ASTN2: variants seen among roughly 807,000 people sequenced by gnomAD.
The protein encoded by ASTN2 is astrotactin 2.
Under a neutral mutation model 139.8 loss-of-function variants are expected in ASTN2, and 54 were observed. That is an observed-to-expected ratio of 0.39 (90% CI 0.31 to 0.48). The LOEUF is 0.48. ASTN2 is among the 20% of genes least tolerant of loss of function. The pLI is 0.95. For missense variants in ASTN2, 1,565 were observed against 1,725.1 expected (o/e 0.91, Z 1.64); for synonymous variants, 756 against 719.5 (o/e 1.05, Z -0.81).
chr9:116,505,159 T>A (rs151135879), intron 19 of ASTN2, among the ~76,000 whole-genome samples: 210 of 151,798 alleles, frequency 1.4e-3, no homozygotes, highest in African/African-American at 4.1e-3. Flanking sequence ...GAACCCTACT[T>A]TGCATATGGG....
intron 4 of ASTN2, among the ~76,000 whole-genome samples, chr9:117,113,095 G>A (rs1413978382): frequency 6.6e-6 from 1 of 152,114 alleles, no homozygotes; most frequent in African/African-American, 2.4e-5. Context: ...TACCAGTCTT[G>A]ACAAGGTTTT....
chr9:117,320,678 G>A (rs1225571306), intron 1 of ASTN2, among the ~76,000 whole-genome samples: 1 of 152,060 alleles, frequency 6.6e-6, no homozygotes, highest in Non-Finnish European at 1.5e-5. Flanking sequence ...AGGCACTCTG[G>A]GGAGCATTCA....
rs1847586805 is a variant in ASTN2, at chr9:116,434,402, C to A, written c.3782+6207G>T. On this transcript the variant is annotated intron_variant, in intron 22 of 22. Transcript: ENST00000313400. Reference sequence around the variant, plus strand: ...GTTAACACAATCTTGGAGGAATGTACAGTGACATCCCAGGTTTGTTTGTTT... The same window carrying A: ...GTTAACACAATCTTGGAGGAATGTAAAGTGACATCCCAGGTTTGTTTGTTT... Among the ~76,000 whole-genome samples the A allele has an allele frequency of 2.6e-5, 4 of 152,160 alleles. No homozygotes were observed. In the South Asian group the frequency reaches 8.3e-4, roughly 32 times the overall value.
At chr9:116,456,574 C>T (rs7852325) in intron 20 of ASTN2, among the ~76,000 whole-genome samples, 50,977 of 151,988 alleles carry the variant, frequency 0.34, 9,115 homozygotes, top group Non-Finnish European at 0.4. Context: ...GGAGGTTTCA[C>T]AATCATGGTG....
chr9:117,347,442 G>A (rs1457336975), intron 1 of ASTN2, among the ~76,000 whole-genome samples: 3 of 151,700 alleles, frequency 2.0e-5, no homozygotes, highest in Non-Finnish European at 4.4e-5. Flanking sequence ...GCTAGATACG[G>A]CTAAGTCTCC....
At chr9:117,380,746 A>T (rs1316351511) in intron 1 of ASTN2, among the ~76,000 whole-genome samples, 1 of 152,204 alleles carries the variant, frequency 6.6e-6, no homozygotes, top group Non-Finnish European at 1.5e-5. Flanking sequence ...CCACTAGGGT[A>T]AAGACAGACA....
At chr9:117,354,260 A>C (rs1829473990) in intron 1 of ASTN2, among the ~76,000 whole-genome samples, 3 of 152,058 alleles carry the variant, frequency 2.0e-5, no homozygotes, top group African/African-American at 7.2e-5. Flanking sequence ...ATTAAAACTC[A>C]TTATTCCATG....
intron 2 of ASTN2, among the ~76,000 whole-genome samples, chr9:117,290,377 A>G (rs1834557104): frequency 6.6e-6 from 1 of 152,236 alleles, no homozygotes; most frequent in African/African-American, 2.4e-5. Context: ...CAATAAATAT[A>G]GCTTTTTAAA....
chr9:116,677,041 T>C (rs547951786), intron 16 of ASTN2, among the ~76,000 whole-genome samples: 9 of 152,360 alleles, frequency 5.9e-5, no homozygotes, highest in Admixed American at 5.2e-4. Flanking sequence ...AGATTTGAAA[T>C]GATTTTTTTT....
intron 1 of ASTN2, among the ~76,000 whole-genome samples, chr9:117,319,796 C>T (rs992225034): frequency 6.6e-6 from 1 of 151,968 alleles, no homozygotes; most frequent in Non-Finnish European, 1.5e-5. Flanking sequence ...CAGCAAGACC[C>T]CATTAGACAC....
At chr9:116,438,699 C>A (rs1029587506) in intron 22 of ASTN2, among the ~76,000 whole-genome samples, 3 of 152,166 alleles carry the variant, frequency 2.0e-5, no homozygotes, top group Non-Finnish European at 4.4e-5. Context: ...AATCCTAGCA[C>A]TTTGGGAGGC....
At chr9:116,706,042 G>A (rs1308235932) in intron 16 of ASTN2, among the ~76,000 whole-genome samples, 1 of 152,010 alleles carries the variant, frequency 6.6e-6, no homozygotes, top group East Asian at 1.9e-4. Context: ...GCTCAGTGAG[G>A]CTTCATACTT....
chr9:116,621,004 C>A lies in ASTN2; in HGVS notation c.3073-561G>T, dbSNP rs564405289. On this transcript the variant is annotated intron_variant, in intron 17 of 22. Transcript: ENST00000313400. The stretch of plus-strand genomic sequence containing the variant: ...ATAAAATCTAAATGCCTTGTTCTCA[C>A]CCCTGGCCACCTTTTCATCTCTCAC... 2.0e-5 allele frequency among the ~76,000 whole-genome samples: 3 copies of A among 152,304 alleles called. No homozygotes were observed. In the South Asian group the frequency reaches 6.2e-4, roughly 32 times the overall value.
intron 1 of ASTN2, among the ~76,000 whole-genome samples, chr9:117,412,168 G>C (rs1407273553): frequency 6.6e-6 from 1 of 152,156 alleles, no homozygotes; most frequent in Non-Finnish European, 1.5e-5. Flanking sequence ...CAGCCATCTG[G>C]TGACTACCTC....
intron 17 of ASTN2, among the ~76,000 whole-genome samples, chr9:116,642,916 A>C (rs1321747236): frequency 6.6e-6 from 1 of 152,120 alleles, no homozygotes; most frequent in Non-Finnish European, 1.5e-5. Context: ...TCCCTTTTCC[A>C]GTTTTATTTC....
chr9:116,581,599 T>G (rs976285661), intron 19 of ASTN2, among the ~76,000 whole-genome samples: 2 of 152,210 alleles, frequency 1.3e-5, no homozygotes, highest in Non-Finnish European at 2.9e-5. Flanking sequence ...CCAATTGTCT[T>G]GCCACTTTGC....
chr9:116,501,203 C>A (rs1027727310), intron 19 of ASTN2, among the ~76,000 whole-genome samples: 1 of 152,214 alleles, frequency 6.6e-6, no homozygotes, highest in South Asian at 2.1e-4. Context: ...AACCCAAAAG[C>A]ACCAGTGGGG....
chr9:117,352,924 G>A (rs1829430290), intron 1 of ASTN2, among the ~76,000 whole-genome samples: 1 of 152,186 alleles, frequency 6.6e-6, no homozygotes, highest in South Asian at 2.1e-4. Flanking sequence ...AAAAGATGGA[G>A]TAAGTGACTT....
chr9:117,008,334 G>C (rs1409287277), intron 6 of ASTN2, 75 bp from the exon 7 acceptor site: 1 of 1,367,898 alleles, frequency 7.3e-7, no homozygotes, highest in Non-Finnish European at 9.8e-7. Flanking sequence ...ACACAGAAAG[G>C]TGTGTACAAG....
Sources: gnomAD v4.1 joint callset for allele counts (sites outside exome capture counted in the v4.1 genomes callset) on GRCh38, gnomAD v4.1.1 for gene constraint, MANE v1.5 for transcripts, NCBI Gene and HGNC (gene_info 2026-07-23, HGNC 2026-07-21) for gene names.